Variants in ABTB2 observed in about 807,000 individuals in gnomAD.
The protein encoded by ABTB2 is ankyrin repeat and BTB domain containing 2, also known as ankyrin repeat and BTB/POZ domain-containing protein 2.
In ABTB2, 56 loss-of-function variants were observed where a neutral mutation model predicts 104.1. That is an observed-to-expected ratio of 0.54 (90% confidence interval 0.43 to 0.67). ABTB2 has a LOEUF of 0.67. Ranked by LOEUF, ABTB2 falls within the 30% of genes least tolerant of loss-of-function variation. The pLI, the probability that ABTB2 is intolerant of heterozygous loss-of-function variation, is 0.00. For missense variants in ABTB2, 1,279 were observed against 1,407.7 expected (o/e 0.91, Z 1.46); for synonymous variants, 606 against 608.2 (o/e 1.00, Z 0.05).
Position 34,274,286 on chromosome 11 carries a change from C to T in ABTB2, c.884-69596G>A, listed in dbSNP as rs1273333742. On this transcript the variant is annotated intron_variant, in intron 1 of 16. Transcript: ENST00000435224. ...CTAATTCATGATGTGGCACTATCAC[C>T]CTTTCTTACAATAAGTAAAAGAACA... 5.3e-5 allele frequency among the ~76,000 whole-genome samples: 8 copies of T among 151,724 alleles called. No individual in the cohort carries two copies. In the East Asian group the frequency reaches 1.5e-3, roughly 29 times the overall value.
At chr11:34,339,526 G>A (rs547685491) in intron 1 of ABTB2, among the ~76,000 whole-genome samples, 13 of 152,322 alleles carry the variant, frequency 8.5e-5, no homozygotes, top group East Asian at 3.9e-4. Flanking sequence ...TGGTGTGGTC[G>A]CCTGGGAGGG....
intron 9 of ABTB2, among the ~76,000 whole-genome samples, chr11:34,163,299 CT>C (rs1464785626): frequency 1.3e-5 from 2 of 152,208 alleles, no homozygotes; most frequent in African/African-American, 4.8e-5. Flanking sequence ...CCAGTAAGTA[CT>C]CATTTGGTCC....
chr11:34,272,988 T>C (rs1022020819), intron 1 of ABTB2, among the ~76,000 whole-genome samples: 1 of 152,098 alleles, frequency 6.6e-6, no homozygotes, highest in Non-Finnish European at 1.5e-5. Context: ...GAAACAACAA[T>C]AATAGCGTTT....
Position 34,200,890 on chromosome 11 carries a change from T to G in ABTB2, c.1031-3352A>C, listed in dbSNP as rs532175141. Among the ~76,000 whole-genome samples the G allele has an allele frequency of 1.4e-3, 200 of 143,580 alleles. 2 individuals carry two copies. The highest frequency in any genetic ancestry group is 6.9e-4 in the Non-Finnish European group (43 of 62,232). 94.2% of individuals were successfully genotyped at this position (143,580 alleles called of 152,430 possible). A position where few individuals can be genotyped will look rare whatever the true frequency, so the allele number is the denominator to read the frequency against. On this transcript the variant is annotated intron_variant, in intron 2 of 16. Coordinates refer to ENST00000435224, the MANE Select transcript of ABTB2 (RefSeq NM_145804.3). ...AACCGGGACAGGTCCACAAACTTAC[T>G]GGTTTGCAGTAAGTTAATTTCAGAA...
chr11:34,340,447 T>C (rs1321397135), intron 1 of ABTB2, among the ~76,000 whole-genome samples: 1 of 152,194 alleles, frequency 6.6e-6, no homozygotes, highest in Non-Finnish European at 1.5e-5. Flanking sequence ...GATTGAGGTA[T>C]TGCAAAGTTA....
chr11:34,355,535 A>G (rs1458974433), intron 1 of ABTB2, among the ~76,000 whole-genome samples: 3 of 152,210 alleles, frequency 2.0e-5, no homozygotes, highest in Non-Finnish European at 4.4e-5. Flanking sequence ...GCTGAGAATA[A>G]TGACGACACA....
At chr11:34,197,574 G>T in intron 2 of ABTB2, 36 bp from the exon 3 acceptor site, 1 of 1,394,950 alleles carries the variant, frequency 7.2e-7, no homozygotes, top group Non-Finnish European at 9.7e-7. Context: ...GGGAGGAAGA[G>T]AAAAAAAGAA....
rs140229890 is a variant in ABTB2 at position 34,274,820 on chromosome 11, G to A, written c.884-70130C>T. On this transcript the variant is annotated intron_variant, in intron 1 of 16. Coordinates refer to ENST00000435224, the MANE Select transcript of ABTB2 (RefSeq NM_145804.3). ...TGGCCGAGTGCAGTATTGCGCAAAC[G>A]TGCCTTGAGTTTCCAATCTGGAAAC... Among the ~76,000 whole-genome samples, 33 of 152,160 alleles carry A rather than the reference G, an allele frequency of 2.2e-4. No homozygotes were observed. In the East Asian group the frequency reaches 4.8e-3, roughly 22 times the overall value.
chr11:34,249,174 A>T (rs1483195549), intron 1 of ABTB2, among the ~76,000 whole-genome samples: 1 of 152,220 alleles, frequency 6.6e-6, no homozygotes, highest in Non-Finnish European at 1.5e-5. Flanking sequence ...TGAATTTGCA[A>T]GTGGTCATGA....
chr11:34,227,437 G>A (rs899042805), intron 1 of ABTB2, among the ~76,000 whole-genome samples: 1 of 152,156 alleles, frequency 6.6e-6, no homozygotes, highest in Non-Finnish European at 1.5e-5. Context: ...CCCACAAGAT[G>A]TGGCTTTTTG....
At chr11:34,310,573 A>G (rs1854838851) in intron 1 of ABTB2, among the ~76,000 whole-genome samples, 1 of 151,880 alleles carries the variant, frequency 6.6e-6, no homozygotes, top group Non-Finnish European at 1.5e-5. Flanking sequence ...TGACCACATC[A>G]ACCTCCGCTG....
chr11:34,182,583 AG>A (rs1454736715), intron 3 of ABTB2, among the ~76,000 whole-genome samples: 1 of 151,044 alleles, frequency 6.6e-6, no homozygotes, highest in Non-Finnish European at 1.5e-5. Flanking sequence ...AGATACACAT[AG>A]GGACAGAAAT....
Position 34,352,377 on chromosome 11 carries a change from G to A in ABTB2, c.883+4324C>T, listed in dbSNP as rs116192826. On this transcript the variant is annotated intron_variant, in intron 1 of 16. Transcript: ENST00000435224. ...CTTGACTGTCATTTAAATTAGCCCC[G>A]TCACACCATCCCATTACCCTGCCCT... Among the ~76,000 whole-genome samples the A allele has an allele frequency of 4.3e-3, 660 of 152,076 alleles. 2 individuals carry two copies. The highest frequency in any genetic ancestry group is 0.014 in the African/African-American group (585 of 41,470).
At chr11:34,159,249 G>A (rs770127365) in intron 14 of ABTB2, 47 bp downstream of exon 14, 10 of 1,483,964 alleles carry the variant, frequency 6.7e-6, no homozygotes, top group Middle Eastern at 2.0e-4. Flanking sequence ...GGGCTCCTGG[G>A]GGAGGGTCAT....
In ABTB2 at chr11:34,357,259, G is replaced by T; in HGVS notation, c.325C>A (p.Arg109Ser). The T allele has an allele frequency of 1.3e-6, 2 of 1,495,712 alleles. No homozygotes were observed. The highest frequency in any genetic ancestry group is 8.9e-7 in the Non-Finnish European group (1 of 1,127,696). The allele number at this position is 1,495,712 out of a possible 1,614,324, so 92.7% of individuals were successfully genotyped here. A position where few individuals can be genotyped will look rare whatever the true frequency, so the allele number is the denominator to read the frequency against. The change falls in exon 1 of 17, where the codon CGC becomes AGC. Residue 109 changes from arginine (R) to serine (S), a missense_variant. Physicochemically the swap from Arg to Ser is moderately radical, Grantham distance 110. Transcript: ENST00000435224. ...WTEGDVARVL[R>S]KGAGGRRLPQ... ...AGCCGCCGGCCGCCAGCGCCTTTGC[G>T]GAGCACCCGGGCCACGTCTCCTTCG...
In ABTB2 at chr11:34,209,706, G is replaced by T. The variant is rs1184741578; in HGVS notation, c.884-5016C>A. 3.2e-3 allele frequency among the ~76,000 whole-genome samples: 42 copies of T among 13,072 alleles called. 3 individuals carry two copies. Among genetic ancestry groups the T allele is most frequent in the African/African-American group, 0.016 (33 of 2,092 alleles). 8.6% of individuals were successfully genotyped at this position (13,072 alleles called of 152,430 possible). On this transcript the variant is annotated intron_variant, in intron 1 of 16. Coordinates refer to ENST00000435224, the MANE Select transcript of ABTB2 (RefSeq NM_145804.3). ...GGTAGGGGTGGGGGTGAGGGGTAGGGGTGGAGGTGAGAGGTTGGGGGGTCA... is the reference window on the plus strand; with the variant it reads ...GGTAGGGGTGGGGGTGAGGGGTAGGTGTGGAGGTGAGAGGTTGGGGGGTCA...
intron 1 of ABTB2, among the ~76,000 whole-genome samples, chr11:34,308,610 C>T (rs1007103940): frequency 1.3e-5 from 2 of 152,040 alleles, no homozygotes; most frequent in Non-Finnish European, 2.9e-5. Context: ...TGGCTCACAC[C>T]TGTAATCCCA....
At position 34,357,949 on chromosome 11, in the gene ABTB2, G is replaced by A. The variant is rs1263317966; in HGVS notation, c.-366C>T. ...GGCAGAAGGAGGAGGCGGCGGCGCA[G>A]GGCGCAGGGCGCAGCGCGAGTCCGG... On this transcript the variant is annotated 5_prime_UTR_variant, in exon 1 of 17. Coordinates refer to ENST00000435224, the MANE Select transcript of ABTB2 (RefSeq NM_145804.3). 9.2e-6 allele frequency: 2 copies of A among 218,578 alleles called. No individual in the cohort carries two copies. Among genetic ancestry groups the A allele is most frequent in the Non-Finnish European group, 1.8e-5 (2 of 111,910 alleles). The allele number at this position is 218,578 out of a possible 1,614,324, so 13.5% of individuals were successfully genotyped here.
intron 3 of ABTB2, among the ~76,000 whole-genome samples, chr11:34,190,267 C>CT (rs1853156795): frequency 1.1e-5 from 1 of 92,652 alleles, no homozygotes; most frequent in Non-Finnish European, 2.3e-5. Context: ...GCCCCGCTGC[C>CT]CCCCCAAAAA....
Sources: allele counts gnomAD v4.1 joint callset (sites outside exome capture counted in the v4.1 genomes callset), GRCh38; gene constraint gnomAD v4.1.1; transcripts MANE v1.5; gene names NCBI Gene and HGNC (gene_info 2026-07-23, HGNC 2026-07-21).